Variants in LCK observed in about 807,000 individuals in gnomAD.
LCK encodes tyrosine-protein kinase Lck.
A neutral mutation model predicts 64.6 loss-of-function variants in LCK; 14 were observed. That is an observed-to-expected ratio of 0.22 (90% CI 0.14 to 0.34). The LOEUF is 0.34. Among genes scored for constraint, LCK ranks in the 10% least tolerant of loss-of-function variants. LCK has a pLI of 1.00. For missense variants in LCK, 434 were observed against 668.1 expected, an observed-to-expected ratio of 0.65 and a Z score of 3.86; for synonymous variants, 277 against 263.6, an observed-to-expected ratio of 1.05 and a Z score of -0.49.
At chr1:32,254,864 A>G (rs972881925) in intron 1 of LCK, among the ~76,000 whole-genome samples, 11 of 152,038 alleles carry the variant, frequency 7.2e-5, no homozygotes, top group African/African-American at 2.7e-4. Context: ...AAACACTCAA[A>G]CAGGCCAGGC....
At position 32,276,226 on chromosome 1, in the gene LCK, AC is replaced by A; in HGVS notation, c.632-106del. The A allele has an allele frequency of 6.8e-7, 1 of 1,466,470 alleles. No individual in the cohort carries two copies. Among genetic ancestry groups the A allele is most frequent in the Non-Finnish European group, 9.1e-7 (1 of 1,096,322 alleles). The allele number at this position is 1,466,470 out of a possible 1,614,324, so 90.8% of individuals were successfully genotyped here. On this transcript the variant is annotated intron_variant, in intron 7 of 12. Transcript: ENST00000336890. This position sits in a 1 kb window ranked among gnomAD's most constrained non-coding sequence, Gnocchi z 4.6. ...CCAAGTGTTTGGGTGACAGCCCCAC[AC>A]CCCCTTGCTAGTCCACTTCACCTAG... is the stretch of plus-strand genomic sequence containing the variant.
At chr1:32,253,571 C>T (rs568889083) in intron 1 of LCK, among the ~76,000 whole-genome samples, 8 of 152,244 alleles carry the variant, frequency 5.3e-5, no homozygotes, top group African/African-American at 1.9e-4. Context: ...CATGAGCCAC[C>T]GCACCTGGCC....
chr1:32,280,286 C>T, intron 12 of LCK, 76 bp downstream of exon 12: 1 of 1,573,998 alleles, frequency 6.4e-7, no homozygotes, highest in Non-Finnish European at 8.7e-7. Flanking sequence ...TCTTTCCAGT[C>T]TCAGAATCTG....
In LCK at chr1:32,275,566, C is replaced by T. The variant is rs1325616168; in HGVS notation, c.378-3C>T. Reference sequence around the variant, plus strand: ...GGCCTTCGTTCGCTTCCGCCCTGCACAGCTGGTTCTTCAAGAACCTGAGCC... The same window carrying T: ...GGCCTTCGTTCGCTTCCGCCCTGCATAGCTGGTTCTTCAAGAACCTGAGCC... On this transcript the variant is annotated splice_region_variant and splice_polypyrimidine_tract_variant and intron_variant, in intron 5 of 12. Coordinates refer to ENST00000336890, the MANE Select transcript of LCK (RefSeq NM_005356.5). The surrounding 1 kb of genome is among the most constrained non-coding windows in gnomAD (Gnocchi z 6.9). 4 of 1,566,812 alleles carry T rather than the reference C, an allele frequency of 2.6e-6. No homozygotes were observed. The highest frequency in any genetic ancestry group is 3.5e-6 in the Non-Finnish European group (4 of 1,155,476).
chr1:32,283,405 G>A (rs879403353), intron 12 of LCK, among the ~76,000 whole-genome samples: 5 of 151,986 alleles, frequency 3.3e-5, no homozygotes, highest in Non-Finnish European at 5.9e-5. Context: ...CTTTCCAGGA[G>A]CAAAACTTTG....
intron 12 of LCK, among the ~76,000 whole-genome samples, chr1:32,281,086 A>G (rs1051214889): frequency 6.6e-6 from 1 of 152,034 alleles, no homozygotes; most frequent in African/African-American, 2.4e-5. Flanking sequence ...TACAAAAACA[A>G]AAGTTAGCCA....
At chr1:32,266,354 C>T (rs980876964) in intron 1 of LCK, among the ~76,000 whole-genome samples, 6 of 151,522 alleles carry the variant, frequency 4.0e-5, no homozygotes, top group Non-Finnish European at 7.4e-5. Flanking sequence ...AAAAAATAGC[C>T]GGGCACAGTG....
chr1:32,273,918 G>A (rs893619609), intron 1 of LCK, among the ~76,000 whole-genome samples: 3 of 152,106 alleles, frequency 2.0e-5, no homozygotes, highest in Non-Finnish European at 4.4e-5. Context: ...GTAGGGGAGG[G>A]TCTGATAAGT....
chr1:32,278,344 G>A (rs1355675706), intron 9 of LCK, among the ~76,000 whole-genome samples: 1 of 151,948 alleles, frequency 6.6e-6, no homozygotes, highest in African/African-American at 2.4e-5. Context: ...ATTATGTCAT[G>A]TGTATCTTTT....
Position 32,285,843 on chromosome 1 carries a change from T to A in LCK, c.*127T>A, listed in dbSNP as rs972905527. 2 of 924,016 alleles carry A rather than the reference T, an allele frequency of 2.2e-6. No homozygotes were observed. The highest frequency in any genetic ancestry group is 1.6e-5 in the African/African-American group (1 of 60,948). The allele number at this position is 924,016 out of a possible 1,614,324, so 57.2% of individuals were successfully genotyped here. A position where few individuals can be genotyped will look rare whatever the true frequency, so the allele number is the denominator to read the frequency against. ...TCTGCACATGAATCCCACCCACATGTGACACATATGCACCTTGTGTCTGTA... is the reference window on the plus strand; with the variant it reads ...TCTGCACATGAATCCCACCCACATGAGACACATATGCACCTTGTGTCTGTA... On this transcript the variant is annotated 3_prime_UTR_variant, in exon 13 of 13. Coordinates refer to ENST00000336890, the MANE Select transcript of LCK (RefSeq NM_005356.5).
At chr1:32,254,308 C>A (rs909955520) in intron 1 of LCK, among the ~76,000 whole-genome samples, 2 of 152,084 alleles carry the variant, frequency 1.3e-5, no homozygotes, top group African/African-American at 2.4e-5. Context: ...CACCTGAGGT[C>A]AGGAGTTCGA....
At chr1:32,261,597 G>A (rs1341005617) in intron 1 of LCK, among the ~76,000 whole-genome samples, 7 of 145,226 alleles carry the variant, frequency 4.8e-5, no homozygotes, top group Non-Finnish European at 9.0e-5. Context: ...AGTGAGCCGA[G>A]ATCGTGCCAC....
chr1:32,265,132 A>G (rs1639876541), intron 1 of LCK, among the ~76,000 whole-genome samples: 1 of 151,978 alleles, frequency 6.6e-6, no homozygotes, highest in African/African-American at 2.4e-5. Context: ...GCAGTGAGCC[A>G]AGATTGCGCC....
In LCK at chr1:32,276,084, C is replaced by T. The variant is rs376548679; in HGVS notation, c.631+21C>T. ...CACCAGTGAGCCCGACGGGACCCCT[C>T]CCCCGTGCCCTATCAGCCTATCTCC... On this transcript the variant is annotated intron_variant, in intron 7 of 12. Transcript: ENST00000336890. This position sits in a 1 kb window ranked among gnomAD's most constrained non-coding sequence, Gnocchi z 4.6. 3.7e-6 allele frequency: 6 copies of T among 1,613,118 alleles called. No individual in the cohort carries two copies. The highest frequency in any genetic ancestry group is 1.1e-5 in the South Asian group (1 of 91,026).
At chr1:32,283,681 G>A (rs1241821420) in intron 12 of LCK, among the ~76,000 whole-genome samples, 1 of 152,026 alleles carries the variant, frequency 6.6e-6, no homozygotes, top group Non-Finnish European at 1.5e-5. Context: ...AGGGGCCTGG[G>A]GAACCTTCTC....
chr1:32,264,945 G>A (rs926198734), intron 1 of LCK, among the ~76,000 whole-genome samples: 6 of 151,998 alleles, frequency 3.9e-5, no homozygotes, highest in African/African-American at 1.2e-4. Context: ...AGTGGCTCTC[G>A]CTTGTAATCT....
At chr1:32,273,127 A>AGAGT (rs1246560222) in intron 1 of LCK, among the ~76,000 whole-genome samples, 2 of 49,374 alleles carry the variant, frequency 4.1e-5, no homozygotes, top group African/African-American at 1.7e-4. Context: ...TACGTGTGTG[A>AGAGT]GAGTGGGTGC....
chr1:32,279,518 C>A, intron 9 of LCK, 153 bp from the exon 10 acceptor site: 1 of 1,463,660 alleles, frequency 6.8e-7, no homozygotes, highest in Non-Finnish European at 9.3e-7. Context: ...ATATCCTGGG[C>A]ATCCTTACCC....
chr1:32,281,926 T>G (rs978424010), intron 12 of LCK, among the ~76,000 whole-genome samples: 7 of 152,032 alleles, frequency 4.6e-5, no homozygotes, highest in Non-Finnish European at 1.0e-4. Flanking sequence ...AAAAATTATC[T>G]GGGCATGGTG....
Sources: allele counts gnomAD v4.1 joint callset (sites outside exome capture counted in the v4.1 genomes callset), GRCh38; gene constraint gnomAD v4.1.1; non-coding constraint Gnocchi (gnomAD v3.1); transcripts MANE v1.5; gene names NCBI Gene and HGNC (gene_info 2026-07-23, HGNC 2026-07-21).